PREX2: variants seen among roughly 807,000 people sequenced by gnomAD.
The protein encoded by PREX2 is phosphatidylinositol-3,4,5-trisphosphate dependent Rac exchange factor 2.
Under a neutral mutation model 203.2 loss-of-function variants are expected in PREX2, and 107 were observed. The observed-to-expected ratio is 0.53, with a 90% confidence interval of 0.45 to 0.62. PREX2 has a LOEUF of 0.62. PREX2 is among the 20% of genes least tolerant of loss of function. The pLI is 0.00. For synonymous variants in PREX2, 672 were observed against 663.6 expected, an observed-to-expected ratio of 1.01 and a Z score of -0.19; for missense variants, 1,777 against 1,955.9, an observed-to-expected ratio of 0.91 and a Z score of 1.72.
chr8:68,175,078 G>T (rs1170519953), intron 35 of PREX2, among the ~76,000 whole-genome samples: 1 of 152,194 alleles, frequency 6.6e-6, no homozygotes, highest in African/African-American at 2.4e-5. Flanking sequence ...GCCATGGCTG[G>T]TGTAACAGGA....
chr8:68,071,110 A>T (rs1388847801), intron 13 of PREX2, among the ~76,000 whole-genome samples: 2 of 152,166 alleles, frequency 1.3e-5, no homozygotes, highest in Non-Finnish European at 2.9e-5. Flanking sequence ...TGTAGGTTTT[A>T]TATGGGCAAA....
intron 35 of PREX2, among the ~76,000 whole-genome samples, chr8:68,158,071 ATGTATATATATATTCACATATATATG>A (rs1811576934): frequency 7.5e-6 from 1 of 132,944 alleles, no homozygotes; most frequent in Non-Finnish European, 1.6e-5. Context: ...GAATATATAT[ATGTATATATATATTCACATATATATG>A]TGTATATATA....
At chr8:68,035,235 TC>T (rs1807995527) in intron 6 of PREX2, among the ~76,000 whole-genome samples, 1 of 152,168 alleles carries the variant, frequency 6.6e-6, no homozygotes, top group South Asian at 2.1e-4. Context: ...TAAAGATTTA[TC>T]TTTGTAAGAA....
At chr8:68,050,452 C>A (rs1179543591) in intron 8 of PREX2, among the ~76,000 whole-genome samples, 2 of 152,054 alleles carry the variant, frequency 1.3e-5, no homozygotes, top group African/African-American at 4.8e-5. Context: ...TTTTAAACAA[C>A]CAGATCTCAC....
At chr8:68,055,721 C>A in intron 9 of PREX2, 109 bp from the exon 10 acceptor site, 1 of 1,013,196 alleles carries the variant, frequency 9.9e-7, no homozygotes, top group Non-Finnish European at 1.5e-6. Context: ...GTATCCACAA[C>A]CCCCAGCACA....
chr8:68,161,751 A>T (rs1432055137), intron 35 of PREX2, among the ~76,000 whole-genome samples: 1 of 151,772 alleles, frequency 6.6e-6, no homozygotes, highest in Non-Finnish European at 1.5e-5. Context: ...TATTTTCTTT[A>T]TATGTTCTGT....
chr8:68,222,456 A>G (rs759605028), intron 38 of PREX2, among the ~76,000 whole-genome samples: 11 of 151,876 alleles, frequency 7.2e-5, no homozygotes, highest in Admixed American at 2.6e-4. Context: ...AAAAATGTAT[A>G]TAAGTATTAG....
intron 10 of PREX2, among the ~76,000 whole-genome samples, chr8:68,056,327 A>C (rs1209202683): frequency 6.6e-6 from 1 of 152,196 alleles, no homozygotes; most frequent in Non-Finnish European, 1.5e-5. Flanking sequence ...CATGGGCCTG[A>C]AAGTCAGAAT....
chr8:68,037,390 T>C (rs1808065331), intron 6 of PREX2, among the ~76,000 whole-genome samples: 1 of 152,198 alleles, frequency 6.6e-6, no homozygotes, highest in African/African-American at 2.4e-5. Context: ...ATATTTATAA[T>C]GGCTCAAAAT....
chr8:67,989,406 A>C (rs1806532102), intron 1 of PREX2, among the ~76,000 whole-genome samples: 1 of 152,192 alleles, frequency 6.6e-6, no homozygotes, highest in South Asian at 2.1e-4. Flanking sequence ...ATCTGGTTAA[A>C]TGAAATATTA....
intron 18 of PREX2, among the ~76,000 whole-genome samples, chr8:68,087,265 T>C (rs1865427): frequency 0.47 from 70,714 of 152,008 alleles, 16,933 homozygotes; most frequent in African/African-American, 0.57. Flanking sequence ...CTCACACCTG[T>C]AATCCCAGCA....
intron 39 of PREX2, among the ~76,000 whole-genome samples, chr8:68,228,955 A>G (rs984570531): frequency 2.1e-4 from 23 of 109,314 alleles, no homozygotes; most frequent in Admixed American, 6.3e-4. Flanking sequence ...AAAAAAAAAA[A>G]AAAAAAAAAA....
intron 1 of PREX2, among the ~76,000 whole-genome samples, chr8:67,984,899 G>A (rs1231295631): frequency 6.6e-6 from 1 of 152,148 alleles, no homozygotes; most frequent in East Asian, 1.9e-4. Flanking sequence ...GAGGGAGAGG[G>A]GGCCTCACCA....
chr8:68,007,648 C>T (rs919625962), intron 1 of PREX2, among the ~76,000 whole-genome samples: 37 of 152,272 alleles, frequency 2.4e-4, no homozygotes, highest in African/African-American at 6.5e-4. Context: ...CTCGCTTTGT[C>T]GCCCAGGCTG....
At chr8:68,131,008 G>A (rs573404834) in intron 31 of PREX2, among the ~76,000 whole-genome samples, 20 of 152,234 alleles carry the variant, frequency 1.3e-4, no homozygotes, top group African/African-American at 4.8e-4. Context: ...TGGAAGAAAG[G>A]TATAGGCCCA....
chr8:68,003,374 T>C (rs1012419312), intron 1 of PREX2, among the ~76,000 whole-genome samples: 3 of 151,996 alleles, frequency 2.0e-5, no homozygotes, highest in Non-Finnish European at 4.4e-5. Flanking sequence ...TCTTTCAGTA[T>C]CTAAATATCT....
chr8:68,089,074 G>A (rs1296564485), intron 19 of PREX2, among the ~76,000 whole-genome samples: 4 of 152,172 alleles, frequency 2.6e-5, no homozygotes, highest in African/African-American at 9.7e-5. Flanking sequence ...AAGAAAAAGA[G>A]ATTTCTCGTG....
At chr8:68,221,445 G>A (rs778477460) in intron 38 of PREX2, among the ~76,000 whole-genome samples, 2 of 152,082 alleles carry the variant, frequency 1.3e-5, no homozygotes, top group Non-Finnish European at 2.9e-5. Flanking sequence ...GATAATAATA[G>A]TACTTGTTTC....
chr8:68,170,663 GT>G (rs1348447358), intron 35 of PREX2, among the ~76,000 whole-genome samples: 6 of 152,194 alleles, frequency 3.9e-5, no homozygotes, highest in Admixed American at 2.0e-4. Context: ...CATGTAAAGT[GT>G]TTAACTCTGG....
Sources: gnomAD v4.1 joint callset for allele counts (sites outside exome capture counted in the v4.1 genomes callset) on GRCh38, gnomAD v4.1.1 for gene constraint, MANE v1.5 for transcripts, NCBI Gene and HGNC (gene_info 2026-07-23, HGNC 2026-07-21) for gene names.